Variants in TNXB observed in about 807,000 individuals in gnomAD.
TNXB encodes the protein tenascin-X.
In TNXB, 183 loss-of-function variants were observed where a neutral mutation model predicts 340.5. The observed-to-expected ratio is 0.54, with a 90% confidence interval of 0.48 to 0.61. TNXB has a LOEUF of 0.61. Ranked by LOEUF, TNXB falls within the 20% of genes least tolerant of loss-of-function variation. The pLI, the probability that TNXB is intolerant of heterozygous loss-of-function variation, is 0.00. For missense variants in TNXB, 4,613 were observed against 5,446.4 expected, an observed-to-expected ratio of 0.85 and a Z score of 4.82; for synonymous variants, 2,121 against 2,314.5, an observed-to-expected ratio of 0.92 and a Z score of 2.40.
At position 32,087,276 on chromosome 6, in the gene TNXB, C is replaced by G. The variant is rs920709257; in HGVS notation, c.2780-1158G>C. Reference sequence around the variant, plus strand: ...CTGTGGTGGTGATGAAGGCGTAGGACTTGGAGGTCTGCCCCGCCCGCACCC... The same window carrying G: ...CTGTGGTGGTGATGAAGGCGTAGGAGTTGGAGGTCTGCCCCGCCCGCACCC... On this transcript the variant is annotated intron_variant, in intron 6 of 43. Transcript: ENST00000644971. The surrounding 1 kb of genome is among the most constrained non-coding windows in gnomAD (Gnocchi z 9.0). The G allele has an allele frequency of 4.0e-6, 2 of 505,296 alleles. No homozygotes were observed. The highest frequency in any genetic ancestry group is 7.9e-6 in the Non-Finnish European group (2 of 253,938). The allele number at this position is 505,296 out of a possible 1,614,324, so 31.3% of individuals were successfully genotyped here.
At position 32,046,442 on chromosome 6, in the gene TNXB, C is replaced by T. The variant is rs1332899837; in HGVS notation, c.10339G>A (p.Glu3447Lys). ...AGTTCCCCCAGGTGGGGAGGTAGCT[C>T]CTTCTCCAGGGGAGCTGTGCAGAGG... ...ADSTTAPLEK[E>K]LPPHLGELTV... The change falls in exon 31 of 44, where the codon GAG becomes AAG. Residue 3447 changes from glutamate to lysine, a missense_variant. Around this residue, in one of 7 missense-constraint regions of TNXB, gnomAD observed 4,327 missense variants for 4,859.4 expected, o/e 0.89. Transcript: ENST00000644971. The surrounding 1 kb of genome is among the most constrained non-coding windows in gnomAD (Gnocchi z 6.9). The T allele has an allele frequency of 3.2e-6, 5 of 1,574,352 alleles. No individual in the cohort carries two copies. The highest frequency in any genetic ancestry group is 1.1e-5 in the South Asian group (1 of 88,254).
chr6:32,079,031 A>G lies in TNXB; in HGVS notation c.4375+2T>C, dbSNP rs1362217809. ...CAAAGCAGGCCCCTGCCCCTCACTC[A>G]CCTGTCACGCCCACGGCGGACACCG... On this transcript the variant is annotated splice_donor_variant, in intron 11 of 43. Coordinates refer to ENST00000644971, the MANE Select transcript of TNXB (RefSeq NM_001365276.2). LOFTEE classifies it high-confidence loss of function. The surrounding 1 kb of genome is among the most constrained non-coding windows in gnomAD (Gnocchi z 7.1). The G allele has an allele frequency of 1.2e-6, 2 of 1,609,296 alleles. No homozygotes were observed. Among genetic ancestry groups the G allele is most frequent in the Non-Finnish European group, 1.7e-6 (2 of 1,178,176 alleles).
At position 32,048,604 on chromosome 6, in the gene TNXB, C is replaced by T; in HGVS notation, c.9804G>A (p.Leu3268=). 1.3e-6 allele frequency: 2 copies of T among 1,532,102 alleles called. No individual in the cohort carries two copies. The highest frequency in any genetic ancestry group is 1.8e-6 in the Non-Finnish European group (2 of 1,133,818). 94.9% of individuals were successfully genotyped at this position (1,532,102 alleles called of 1,614,324 possible). The change falls in exon 29 of 44, where the codon CTG becomes CTA. Residue 3268 remains leucine (L), a synonymous_variant. Transcript: ENST00000644971. ...PLPVEPRLGE[L]AVAAVTSDSV... is the part of the protein sequence containing the mutation. ...AGTCCGAGGTCACGGCCGCCACCGC[C>T]AGCTCCCCCAGGCGGGGCTCCACCG...
chr6:32,049,628 C>T lies in TNXB; in HGVS notation c.9440-41G>A, dbSNP rs764307064. On this transcript the variant is annotated intron_variant, in intron 27 of 43. Transcript: ENST00000644971. This position sits in a 1 kb window ranked among gnomAD's most constrained non-coding sequence, Gnocchi z 4.5. ...AGGGAGAGAGAGTGAGGGGGATGTCCTTGGGTCCTGGGGAAAAGGAGGGAG... is the reference window on the plus strand; with the variant it reads ...AGGGAGAGAGAGTGAGGGGGATGTCTTTGGGTCCTGGGGAAAAGGAGGGAG... 4 of 1,587,772 alleles carry T rather than the reference C, an allele frequency of 2.5e-6. No homozygotes were observed. Among genetic ancestry groups the T allele is most frequent in the Non-Finnish European group, 2.6e-6 (3 of 1,164,510 alleles).
rs982296453 is a variant in TNXB, at chr6:32,074,886, G to C, written c.4376-934C>G. Among the ~76,000 whole-genome samples the C allele has an allele frequency of 6.6e-6, 1 of 152,146 alleles. No individual in the cohort carries two copies. Among genetic ancestry groups the C allele is most frequent in the African/African-American group, 2.4e-5 (1 of 41,426 alleles). ...GTAGAGATGGGGTTTCTCCACGTTA[G>C]TCAGGTTGGTCTTGAACTCCCGACC... is the stretch of plus-strand genomic sequence containing the variant. On this transcript the variant is annotated intron_variant, in intron 11 of 43. Coordinates refer to ENST00000644971, the MANE Select transcript of TNXB (RefSeq NM_001365276.2). The surrounding 1 kb of genome is among the most constrained non-coding windows in gnomAD (Gnocchi z 5.5).
In TNXB at chr6:32,052,493, G is replaced by C. The variant is rs1777341397; in HGVS notation, c.9115+177C>G. Reference sequence around the variant, plus strand: ...AGAAAGAAAAAGAAAGAAATGCATGGTCTCTTGCCCTAGGCCAAGCCTGCT... The same window carrying C: ...AGAAAGAAAAAGAAAGAAATGCATGCTCTCTTGCCCTAGGCCAAGCCTGCT... On this transcript the variant is annotated intron_variant, in intron 26 of 43. Coordinates refer to ENST00000644971, the MANE Select transcript of TNXB (RefSeq NM_001365276.2). This position sits in a 1 kb window ranked among gnomAD's most constrained non-coding sequence, Gnocchi z 4.7. 6.6e-6 allele frequency among the ~76,000 whole-genome samples: 1 copy of C among 151,914 alleles called. No individual in the cohort carries two copies. The highest frequency in any genetic ancestry group is 1.5e-5 in the Non-Finnish European group (1 of 67,974).
intron 18 of TNXB, among the ~76,000 whole-genome samples, chr6:32,065,530 C>T (rs1055623828): frequency 5.3e-5 from 8 of 152,198 alleles, no homozygotes; most frequent in African/African-American, 9.7e-5. Flanking sequence ...ATGAGACACT[C>T]GGGAGACTGT....
chr6:32,050,696 G>C (rs1002733788), intron 26 of TNXB, among the ~76,000 whole-genome samples: 1 of 152,048 alleles, frequency 6.6e-6, no homozygotes, highest in South Asian at 2.1e-4. Context: ...CTCCTCCCGA[G>C]GCCAGAGCCT....
At chr6:32,054,605 T>C (rs1208401580) in intron 24 of TNXB, among the ~76,000 whole-genome samples, 1 of 152,192 alleles carries the variant, frequency 6.6e-6, no homozygotes, top group East Asian at 1.9e-4. Flanking sequence ...GTCCCCTGGG[T>C]ACTTGTGGGC....
At position 32,072,859 on chromosome 6, in the gene TNXB, G is replaced by T. The variant is rs542079321; in HGVS notation, c.4682-561C>A. On this transcript the variant is annotated intron_variant, in intron 12 of 43. Transcript: ENST00000644971. This position sits in a 1 kb window ranked among gnomAD's most constrained non-coding sequence, Gnocchi z 4.4. ...CCAGTTACTCGGGAGGCTGAGGCAG[G>T]AGAATTGCTTGAACTTGGGAAGCGG... Among the ~76,000 whole-genome samples the T allele has an allele frequency of 2.1e-3, 320 of 152,318 alleles. 2 individuals are homozygous for T. Among genetic ancestry groups the T allele is most frequent in the African/African-American group, 7.3e-3 (305 of 41,562 alleles).
rs368442910 is a variant in TNXB, at chr6:32,068,538, T to C, written c.6072A>G (p.Gly2024=). The C allele has an allele frequency of 1.8e-4, 296 of 1,613,826 alleles. No individual in the cohort carries two copies. The highest frequency in any genetic ancestry group is 2.3e-4 in the Non-Finnish European group (276 of 1,179,892). ...CCCTCACTGCCTTGGGCTGCCCATC[T>C]CCATTCCTGTACTGGACCAGGAAGT... ...FDHFLVQYRN[G]DGQPKAVRVP... The change falls in exon 17 of 44, where the codon GGA becomes GGG. Residue 2024 remains glycine, a synonymous_variant. Transcript: ENST00000644971. The surrounding 1 kb of genome is among the most constrained non-coding windows in gnomAD (Gnocchi z 5.3).
chr6:32,103,783 T>G (rs1418732053), intron 1 of TNXB, among the ~76,000 whole-genome samples: 1 of 144,632 alleles, frequency 6.9e-6, no homozygotes, highest in Non-Finnish European at 1.5e-5. Context: ...CAGGCTGGAG[T>G]GCAGTGGCAC....
intron 1 of TNXB, among the ~76,000 whole-genome samples, chr6:32,107,792 C>T (rs770524006): frequency 3.1e-4 from 47 of 152,058 alleles, no homozygotes; most frequent in Non-Finnish European, 5.3e-4. Flanking sequence ...GTCCTGCCCC[C>T]ATGCCTCCCT....
Position 32,061,454 on chromosome 6 carries a change from G to A in TNXB, c.7435C>T (p.Leu2479=). The A allele has an allele frequency of 6.2e-7, 1 of 1,613,450 alleles. No individual in the cohort carries two copies. The highest frequency in any genetic ancestry group is 8.5e-7 in the Non-Finnish European group (1 of 1,179,838). The stretch of plus-strand genomic sequence containing the variant: ...CGCCGCCCCTCGTGGAGGCCATACA[G>A]GTGCATCTTGTATTTGCGCCCAGGC... The part of the protein sequence containing the change: ...LEPGRKYKMH[L]YGLHEGRRVG... Residue 2479 remains leucine (L), a synonymous_variant, in exon 21 of 44, where the codon CTG becomes TTG. Transcript: ENST00000644971. The surrounding 1 kb of genome is among the most constrained non-coding windows in gnomAD (Gnocchi z 4.4).
At chr6:32,048,767 T>C (rs1777069377) in intron 28 of TNXB, 117 bp from the exon 29 acceptor site, 1 of 1,074,238 alleles carries the variant, frequency 9.3e-7, no homozygotes, top group Admixed American at 3.6e-5. Context: ...ACGCTTGTTT[T>C]AGAATCTGTG....
In TNXB at chr6:32,082,308, C is replaced by G; in HGVS notation, c.3464G>C (p.Ser1155Thr). ...EAKILPQSDP[S>T]PGTPPHLGNL... ...TCCCAGGTGGGGTGGAGTCCCTGGA[C>G]TTGGGTCACTCTGAGGCACTAGGAA... Residue 1155 changes from serine (S) to threonine (T), a missense_variant, in exon 9 of 44, where the codon AGT (serine) becomes ACT (threonine). Ser to Thr is a moderately conservative substitution (Grantham distance 58, BLOSUM62 1). This residue lies in a region of TNXB where 4,327 missense variants were observed against 4,859.4 expected (regional missense o/e 0.89). Coordinates refer to ENST00000644971, the MANE Select transcript of TNXB (RefSeq NM_001365276.2). The surrounding 1 kb of genome is among the most constrained non-coding windows in gnomAD (Gnocchi z 5.0). 6.3e-7 allele frequency: 1 copy of G among 1,598,456 alleles called. No individual in the cohort carries two copies. Among genetic ancestry groups the G allele is most frequent in the Non-Finnish European group, 8.5e-7 (1 of 1,170,984 alleles).
rs1196752703 is a variant in TNXB at position 32,062,740 on chromosome 6, G to T, written c.6842-257C>A. 6.6e-6 allele frequency among the ~76,000 whole-genome samples: 1 copy of T among 152,256 alleles called. No homozygotes were observed. Among genetic ancestry groups the T allele is most frequent in the Non-Finnish European group, 1.5e-5 (1 of 68,050 alleles). Reference sequence around the variant, plus strand: ...GCTGCCAAGCAAATTTGTTTTGCAGGACAGAATTGATGCTTTATAAGAACA... The same window carrying T: ...GCTGCCAAGCAAATTTGTTTTGCAGTACAGAATTGATGCTTTATAAGAACA... On this transcript the variant is annotated intron_variant, in intron 19 of 43. Coordinates refer to ENST00000644971, the MANE Select transcript of TNXB (RefSeq NM_001365276.2). The surrounding 1 kb of genome is among the most constrained non-coding windows in gnomAD (Gnocchi z 4.3).
chr6:32,061,486 C>T lies in TNXB; in HGVS notation c.7403G>A (p.Gly2468Asp). ...CTTGTATTTGCGCCCAGGCTCCAGG[C>T]CCCCCACGGTGACCTCGCTCTCCTC... ...GGEESEVTVG[G>D]LEPGRKYKMH... is the part of the protein sequence containing the mutation. Residue 2468 changes from glycine to aspartate, a missense_variant, in exon 21 of 44, where the codon GGC becomes GAC. Gly to Asp is a moderately conservative substitution (Grantham distance 94, BLOSUM62 -1). Coordinates refer to ENST00000644971, the MANE Select transcript of TNXB (RefSeq NM_001365276.2). This position sits in a 1 kb window ranked among gnomAD's most constrained non-coding sequence, Gnocchi z 4.4. The T allele has an allele frequency of 1.2e-6, 2 of 1,611,890 alleles. No individual in the cohort carries two copies. The highest frequency in any genetic ancestry group is 1.7e-6 in the Non-Finnish European group (2 of 1,178,372).
chr6:32,088,421 C>G (rs1434101955), intron 6 of TNXB, among the ~76,000 whole-genome samples: 2 of 152,206 alleles, frequency 1.3e-5, no homozygotes, highest in African/African-American at 2.4e-5. Flanking sequence ...CTGATGATCT[C>G]TAATCTGCCT....
Sources: allele counts gnomAD v4.1 joint callset (sites outside exome capture counted in the v4.1 genomes callset), GRCh38; gene constraint gnomAD v4.1.1; regional missense constraint gnomAD v4.1.1; non-coding constraint Gnocchi (gnomAD v3.1); transcripts MANE v1.5; gene names NCBI Gene and HGNC (gene_info 2026-07-23, HGNC 2026-07-21).